USP32: variants seen among roughly 807,000 people sequenced by gnomAD.
USP32 encodes ubiquitin specific peptidase 32, also known as ubiquitin carboxyl-terminal hydrolase 32.
A neutral mutation model predicts 204.8 loss-of-function variants in USP32; 59 were observed. The ratio of observed to expected loss-of-function variants is 0.29; its 90% CI spans 0.23 to 0.36. The LOEUF is 0.36. USP32 is among the 10% of genes least tolerant of loss of function. The pLI is 1.00. For synonymous variants in USP32, 517 were observed against 678.4 expected, an observed-to-expected ratio of 0.76 and a Z score of 3.70; for missense variants, 1,160 against 1,946.4, an observed-to-expected ratio of 0.60 and a Z score of 7.60.
chr17:60,382,817 TTC>T (rs2089668039), intron 1 of USP32, among the ~76,000 whole-genome samples: 1 of 152,182 alleles, frequency 6.6e-6, no homozygotes, highest in South Asian at 2.1e-4. Context: ...CCAAAAGACA[TTC>T]TCAAGTGTTC....
chr17:60,260,075 A>G (rs1478614658), intron 9 of USP32, among the ~76,000 whole-genome samples: 1 of 152,228 alleles, frequency 6.6e-6, no homozygotes, highest in Non-Finnish European at 1.5e-5. Flanking sequence ...TGGAACTGTA[A>G]TACATTATGA....
chr17:60,367,982 G>T (rs1222328744), intron 1 of USP32, among the ~76,000 whole-genome samples: 1 of 152,026 alleles, frequency 6.6e-6, no homozygotes, highest in Non-Finnish European at 1.5e-5. Context: ...GAGATAACAG[G>T]AGGCTCTGCT....
At chr17:60,361,211 C>T (rs2089200170) in intron 1 of USP32, among the ~76,000 whole-genome samples, 1 of 152,128 alleles carries the variant, frequency 6.6e-6, no homozygotes, top group Non-Finnish European at 1.5e-5. Flanking sequence ...TTACTTCCTC[C>T]CCTCAGTCCT....
chr17:60,202,908 G>C (rs1310210934), intron 26 of USP32, among the ~76,000 whole-genome samples: 1 of 148,324 alleles, frequency 6.7e-6, no homozygotes, highest in Non-Finnish European at 1.5e-5. Context: ...AATTCAATAA[G>C]TATCCTTATC....
chr17:60,410,732 A>G (rs1196266391), intron 1 of USP32, among the ~76,000 whole-genome samples: 1 of 152,108 alleles, frequency 6.6e-6, no homozygotes, highest in Non-Finnish European at 1.5e-5. Flanking sequence ...TGCAGTCTAT[A>G]CTATATAATG....
At chr17:60,225,836 C>T (rs989091751) in intron 13 of USP32, among the ~76,000 whole-genome samples, 6 of 151,962 alleles carry the variant, frequency 3.9e-5, no homozygotes, top group Admixed American at 6.6e-5. Flanking sequence ...TGCCTGTAAT[C>T]GCAGCTACTC....
intron 11 of USP32, among the ~76,000 whole-genome samples, chr17:60,241,887 C>A (rs1567796047): frequency 6.6e-6 from 1 of 152,106 alleles, no homozygotes; most frequent in East Asian, 1.9e-4. Flanking sequence ...AAGTCTTACA[C>A]TTTTTTCCCC....
At chr17:60,238,801 C>T (rs1598120494) in intron 11 of USP32, among the ~76,000 whole-genome samples, 1 of 137,610 alleles carries the variant, frequency 7.3e-6, no homozygotes, top group African/African-American at 2.7e-5. Flanking sequence ...GAGACTCCAT[C>T]TCAAAAAAAA....
intron 12 of USP32, among the ~76,000 whole-genome samples, chr17:60,230,697 C>T (rs2145609506): frequency 6.6e-6 from 1 of 152,364 alleles, no homozygotes; most frequent in South Asian, 2.1e-4. Context: ...CTGCCTGAAA[C>T]TGTCAGCACA....
chr17:60,404,445 A>G (rs75267709), intron 1 of USP32, among the ~76,000 whole-genome samples: 4,925 of 152,290 alleles, frequency 0.032, 266 homozygotes, highest in African/African-American at 0.11. Flanking sequence ...GGCAAATCCC[A>G]ACTTGATTTT....
At position 60,179,261 on chromosome 17, in the gene USP32, T is replaced by C. The variant is rs1277288864; in HGVS notation, c.4809A>G (p.Leu1603=). Residue 1603 remains leucine (L), a synonymous_variant, in exon 34 of 34, where the codon TTA becomes TTG. Coordinates refer to ENST00000300896, the MANE Select transcript of USP32 (RefSeq NM_032582.4). ...FESDYKKYCV[L]Q is the part of the protein sequence containing the mutation. Reference sequence around the variant, plus strand: ...AGCAGCCAGAGTGGTAGCTTTACTGTAACACACAGTACTTTTTGTAATCAG... The same window carrying C: ...AGCAGCCAGAGTGGTAGCTTTACTGCAACACACAGTACTTTTTGTAATCAG... The C allele has an allele frequency of 3.1e-6, 5 of 1,613,910 alleles. No individual in the cohort carries two copies. The highest frequency in any genetic ancestry group is 3.3e-5 in the Admixed American group (2 of 60,000).
intron 26 of USP32, among the ~76,000 whole-genome samples, chr17:60,202,443 T>TCACACACACACACACACA (rs377613629): frequency 8.5e-5 from 12 of 140,654 alleles, no homozygotes; most frequent in African/African-American, 1.8e-4. Context: ...GCTTATCAAA[T>TCACACACACACACACACA]CACACACACA....
rs145894628 is a variant in USP32, at chr17:60,306,710, AG to A, written c.187-5007del. ...GCAATCAGGCAAGAGAAAGAAATAA[AG>A]GGTCTCCAAATTGGAAAGGAGGTCG... On this transcript the variant is annotated intron_variant, in intron 2 of 33. Coordinates refer to ENST00000300896, the MANE Select transcript of USP32 (RefSeq NM_032582.4). Among the ~76,000 whole-genome samples, 168 of 152,298 alleles carry A rather than the reference AG, an allele frequency of 1.1e-3. 1 individual carries two copies. The highest frequency in any genetic ancestry group is 3.1e-3 in the African/African-American group (128 of 41,558).
chr17:60,288,314 C>T (rs552779472), intron 5 of USP32, among the ~76,000 whole-genome samples: 1 of 151,962 alleles, frequency 6.6e-6, no homozygotes, highest in South Asian at 2.1e-4. Context: ...GTGGCGAGTG[C>T]CTGTAGTCCC....
chr17:60,228,085 G>A (rs186420086), intron 12 of USP32, among the ~76,000 whole-genome samples: 57 of 151,988 alleles, frequency 3.8e-4, no homozygotes, highest in East Asian at 3.9e-4. Context: ...GAGGTCAGTG[G>A]TGCAGTCTCG....
intron 12 of USP32, among the ~76,000 whole-genome samples, chr17:60,232,977 C>T (rs564798447): frequency 5.2e-4 from 79 of 152,286 alleles, no homozygotes; most frequent in Non-Finnish European, 9.7e-4. Context: ...TCATTTAATT[C>T]TCACATCCCT....
At chr17:60,350,770 T>TA (rs1664221402) in intron 1 of USP32, among the ~76,000 whole-genome samples, 1 of 152,062 alleles carries the variant, frequency 6.6e-6, no homozygotes, top group African/African-American at 2.4e-5. Context: ...GACAGAGGGA[T>TA]AAAAAACTAC....
intron 4 of USP32, among the ~76,000 whole-genome samples, chr17:60,292,032 TG>T (rs760808251): frequency 1.3e-5 from 2 of 151,872 alleles, no homozygotes; most frequent in Non-Finnish European, 2.9e-5. Flanking sequence ...ATGACCTACC[TG>T]CAGATCACCA....
chr17:60,325,182 G>A lies in USP32; in HGVS notation c.186+20299C>T, dbSNP rs142645250. Among the ~76,000 whole-genome samples, 23 of 152,318 alleles carry A rather than the reference G, an allele frequency of 1.5e-4. No individual in the cohort carries two copies. In the East Asian group the frequency reaches 4.4e-3, roughly 29 times the overall value. On this transcript the variant is annotated intron_variant, in intron 2 of 33. Transcript: ENST00000300896. ...TAATCCCAGCATTTTGGGAGCCTGA[G>A]GAGGGCAGATCACTTGAAGTCAGCA...
Sources: gnomAD v4.1 joint callset for allele counts (sites outside exome capture counted in the v4.1 genomes callset) on GRCh38, gnomAD v4.1.1 for gene constraint, MANE v1.5 for transcripts, NCBI Gene and HGNC (gene_info 2026-07-23, HGNC 2026-07-21) for gene names.